EMCN: variants seen among roughly 807,000 people sequenced by gnomAD.
EMCN encodes MUC-14.
A neutral mutation model predicts 38.4 loss-of-function variants in EMCN; 37 were observed. The ratio of observed to expected loss-of-function variants is 0.96; its 90% CI spans 0.74 to 1.27. The LOEUF is 1.27. Among genes scored for constraint, EMCN ranks in the 50% most tolerant of loss-of-function variants. EMCN has a pLI of 0.00. For synonymous variants in EMCN, 95 were observed against 100.8 expected, an observed-to-expected ratio of 0.94 and a Z score of 0.35; for missense variants, 318 against 302.8, an observed-to-expected ratio of 1.05 and a Z score of -0.37.
intron 1 of EMCN, among the ~76,000 whole-genome samples, chr4:100,502,144 G>A (rs546636889): frequency 3.0e-4 from 46 of 152,284 alleles, no homozygotes; most frequent in Admixed American, 2.4e-3. Context: ...TATATAGAAC[G>A]TAGTGGATTG....
chr4:100,399,484 G>A (rs763575571), intron 11 of EMCN, among the ~76,000 whole-genome samples: 3 of 152,124 alleles, frequency 2.0e-5, no homozygotes, highest in Non-Finnish European at 4.4e-5. Flanking sequence ...GGACATTGGC[G>A]GCTATGGCCT....
chr4:100,441,383 A>G (rs984793525), intron 5 of EMCN, among the ~76,000 whole-genome samples: 1 of 152,110 alleles, frequency 6.6e-6, no homozygotes, highest in East Asian at 1.9e-4. Context: ...CTTTACTTTC[A>G]GCCTATGTGT....
At chr4:100,430,099 G>T (rs980558285) in intron 5 of EMCN, among the ~76,000 whole-genome samples, 1 of 152,016 alleles carries the variant, frequency 6.6e-6, no homozygotes, top group South Asian at 2.1e-4. Context: ...ACATTAAAAA[G>T]GATTTTATTT....
intron 1 of EMCN, among the ~76,000 whole-genome samples, chr4:100,497,818 AAAAC>A (rs1729250044): frequency 6.6e-6 from 1 of 152,222 alleles, no homozygotes; most frequent in South Asian, 2.1e-4. Flanking sequence ...TATAAAGTAA[AAAAC>A]AAAAGAGCAA....
intron 4 of EMCN, among the ~76,000 whole-genome samples, chr4:100,457,327 G>C (rs1728046750): frequency 6.6e-6 from 1 of 151,980 alleles, no homozygotes; most frequent in East Asian, 1.9e-4. Flanking sequence ...TGATTGCTCT[G>C]AATAGAACTT....
chr4:100,460,689 G>A (rs548814758), intron 4 of EMCN, among the ~76,000 whole-genome samples: 69 of 152,282 alleles, frequency 4.5e-4, no homozygotes, highest in African/African-American at 1.5e-3. Flanking sequence ...AATTATGGGA[G>A]CTACAATTCA....
At chr4:100,427,507 G>C (rs922077635) in intron 5 of EMCN, among the ~76,000 whole-genome samples, 2 of 143,152 alleles carry the variant, frequency 1.4e-5, no homozygotes, top group Non-Finnish European at 3.0e-5. Context: ...GGCTTGTCTC[G>C]AACTCCTGAC....
intron 1 of EMCN, among the ~76,000 whole-genome samples, chr4:100,515,828 A>G (rs1180741463): frequency 6.6e-6 from 1 of 151,674 alleles, no homozygotes; most frequent in African/African-American, 2.4e-5. Flanking sequence ...CCTGTGCCCA[A>G]TCTGCAAAAA....
chr4:100,484,861 T>TA (rs759872563), intron 1 of EMCN, among the ~76,000 whole-genome samples: 2 of 152,136 alleles, frequency 1.3e-5, no homozygotes, highest in South Asian at 4.1e-4. Context: ...CACCAATTAG[T>TA]AAAAAAGTTT....
Position 100,486,882 on chromosome 4 carries a change from A to G in EMCN, c.65-6843T>C, listed in dbSNP as rs114568579. 2.4e-3 allele frequency: 2,326 copies of G among 985,434 alleles called. 26 individuals carry two copies. In the African/African-American group the frequency reaches 0.036, roughly 15 times the overall value. 61.0% of individuals were successfully genotyped at this position (985,434 alleles called of 1,614,324 possible). Reference sequence around the variant, plus strand: ...TCACCCAGGTGTCTTGTTCAAAAGTACGGGGCCATGCAGTTATTTTTCCTT... The same window carrying G: ...TCACCCAGGTGTCTTGTTCAAAAGTGCGGGGCCATGCAGTTATTTTTCCTT... On this transcript the variant is annotated intron_variant, in intron 1 of 11. Coordinates refer to ENST00000296420, the MANE Select transcript of EMCN (RefSeq NM_016242.4).
At chr4:100,497,547 T>G (rs1299024260) in intron 1 of EMCN, among the ~76,000 whole-genome samples, 1 of 152,124 alleles carries the variant, frequency 6.6e-6, no homozygotes, top group African/African-American at 2.4e-5. Context: ...TGGCTAATTT[T>G]TTTGTATTTT....
In EMCN at chr4:100,397,063, G is replaced by A. The variant is rs1230641224; in HGVS notation, c.*1350C>T. 1 of 151,784 alleles carries A rather than the reference G, an allele frequency of 6.6e-6. No homozygotes were observed. The highest frequency in any genetic ancestry group is 6.6e-5 in the Admixed American group (1 of 15,218). The allele number at this position is 151,784 out of a possible 1,614,324, so 9.4% of individuals were successfully genotyped here. A position where few individuals can be genotyped will look rare whatever the true frequency, so the allele number is the denominator to read the frequency against. ...CCAAACATCAGGAAACTAAAATCAA[G>A]GTGATTATATAACTCCTAAAGATGG... On this transcript the variant is annotated 3_prime_UTR_variant, in exon 12 of 12. Coordinates refer to ENST00000296420, the MANE Select transcript of EMCN (RefSeq NM_016242.4).
Position 100,467,400 on chromosome 4 carries a change from C to T in EMCN, c.260-1861G>A, listed in dbSNP as rs866826232. Among the ~76,000 whole-genome samples, 7 of 152,148 alleles carry T rather than the reference C, an allele frequency of 4.6e-5. No homozygotes were observed. In the South Asian group the frequency reaches 6.2e-4, roughly 14 times the overall value. ...CATTTATTAAGATATGAGAATCGGCCGGGCGCGGTGGCTCACGCCTGTAAT... is the reference window on the plus strand; with the variant it reads ...CATTTATTAAGATATGAGAATCGGCTGGGCGCGGTGGCTCACGCCTGTAAT... On this transcript the variant is annotated intron_variant, in intron 3 of 11. Transcript: ENST00000296420.
chr4:100,475,678 T>G (rs1264426057), intron 2 of EMCN, among the ~76,000 whole-genome samples: 1 of 126,922 alleles, frequency 7.9e-6, no homozygotes, highest in Non-Finnish European at 1.6e-5. Flanking sequence ...TTTTTTTTTT[T>G]TTTTTTTTTT....
intron 10 of EMCN, among the ~76,000 whole-genome samples, 189 bp from the exon 11 acceptor site, chr4:100,410,544 A>G (rs1194035145): frequency 3.3e-5 from 5 of 152,308 alleles, no homozygotes; most frequent in Admixed American, 6.5e-5. Flanking sequence ...TTTCCCAGAC[A>G]TCATCTGTTT....
At chr4:100,408,325 C>T (rs186092202) in intron 11 of EMCN, among the ~76,000 whole-genome samples, 18 of 152,276 alleles carry the variant, frequency 1.2e-4, no homozygotes, top group African/African-American at 4.1e-4. Flanking sequence ...AGTTCTTGAG[C>T]TGGTTCTTTC....
At chr4:100,454,273 G>A (rs1727942589) in intron 4 of EMCN, among the ~76,000 whole-genome samples, 2 of 148,450 alleles carry the variant, frequency 1.3e-5, no homozygotes, top group South Asian at 4.3e-4. Context: ...AAGAGAAAAA[G>A]ATTTGAAGTT....
At chr4:100,484,842 A>C (rs1010175266) in intron 1 of EMCN, among the ~76,000 whole-genome samples, 1 of 152,164 alleles carries the variant, frequency 6.6e-6, no homozygotes, top group Non-Finnish European at 1.5e-5. Context: ...TAGTTTCAGA[A>C]GATCATAGCA....
At chr4:100,410,527 A>G (rs143092279) in intron 10 of EMCN, among the ~76,000 whole-genome samples, 172 bp from the exon 11 acceptor site, 4 of 152,286 alleles carry the variant, frequency 2.6e-5, no homozygotes, top group Admixed American at 6.5e-5. Context: ...ACCAAAATAT[A>G]TGAACTTTTC....
Sources: gnomAD v4.1 joint callset for allele counts (sites outside exome capture counted in the v4.1 genomes callset) on GRCh38, gnomAD v4.1.1 for gene constraint, MANE v1.5 for transcripts, NCBI Gene and HGNC (gene_info 2026-07-23, HGNC 2026-07-21) for gene names.